The following OR51B5 variants were observed in gnomAD, a reference collection of about 807,000 sequenced individuals.
OR51B5 encodes the protein olfactory receptor 51B5.
For missense variants in OR51B5, 456 were observed against 374.6 expected, an observed-to-expected ratio of 1.22 and a Z score of -1.79; for synonymous variants, 186 against 144.8, an observed-to-expected ratio of 1.28 and a Z score of -2.04.
downstream of OR51B5, among the ~76,000 whole-genome samples, chr11:5,341,677 G>A (rs1848895521): frequency 1.3e-5 from 2 of 152,120 alleles, no homozygotes. Flanking sequence ...TGTACAGAAA[G>A]CAATCATTCT....
At chr11:5,352,469 G>A (rs1849112961) in intron 1 of OR51B5, 2 of 1,459,928 alleles carry the variant, frequency 1.4e-6, no homozygotes, top group East Asian at 2.3e-5. Flanking sequence ...GGTCTCTGAG[G>A]AATAATTCAG....
upstream of OR51B5, among the ~76,000 whole-genome samples, chr11:5,344,927 AC>A (rs1848967266): frequency 6.6e-6 from 1 of 152,182 alleles, no homozygotes; most frequent in Admixed American, 6.5e-5. Context: ...CTAGAACTGC[AC>A]CTATGAGGAG....
exon 1 of OR51B5, chr11:5,343,304 G>A: frequency 2.5e-6 from 4 of 1,610,550 alleles, no homozygotes; most frequent in Non-Finnish European, 3.4e-6. Flanking sequence ...GGGCATTGTG[G>A]TCAGGGCCAG....
chr11:5,413,010 A>C (rs1051805100), intron 1 of OR51B5, among the ~76,000 whole-genome samples: 8 of 146,228 alleles, frequency 5.5e-5, no homozygotes, highest in African/African-American at 2.0e-4. Context: ...CCCTGACCCC[A>C]GAGCAGCCTT....
chr11:5,453,026 T>C (rs1590003667), intron 1 of OR51B5, among the ~76,000 whole-genome samples: 1 of 152,208 alleles, frequency 6.6e-6, no homozygotes. Flanking sequence ...TAATTTGTGA[T>C]ACATATGAAT....
At chr11:5,464,866 A>T (rs1052120590) in intron 1 of OR51B5, among the ~76,000 whole-genome samples, 2 of 152,112 alleles carry the variant, frequency 1.3e-5, no homozygotes, top group African/African-American at 4.8e-5. Context: ...CACCACACTG[A>T]CTTCCACAAT....
intron 1 of OR51B5, among the ~76,000 whole-genome samples, chr11:5,467,878 T>C (rs1933159595): frequency 6.6e-6 from 1 of 152,224 alleles, no homozygotes; most frequent in Non-Finnish European, 1.5e-5. Context: ...TTCAATCCTC[T>C]CTGTAGTCAT....
intron 1 of OR51B5, among the ~76,000 whole-genome samples, chr11:5,499,560 G>A (rs1851691082): frequency 6.6e-6 from 1 of 152,110 alleles, no homozygotes; most frequent in East Asian, 1.9e-4. Context: ...TCAACTAGCA[G>A]GGTCAAAACA....
At chr11:5,420,608 TCTAC>T in intron 1 of OR51B5, among the ~76,000 whole-genome samples, 1 of 151,886 alleles carries the variant, frequency 6.6e-6, no homozygotes, top group Non-Finnish European at 1.5e-5. Context: ...AAAGATTATA[TCTAC>T]TTGTCTTTCT....
chr11:5,370,856 T>C (rs1849437178), intron 1 of OR51B5, among the ~76,000 whole-genome samples: 1 of 152,118 alleles, frequency 6.6e-6, no homozygotes, highest in Admixed American at 6.6e-5. Context: ...CAAATGCGGG[T>C]TCTGAGAGGA....
chr11:5,350,163 T>A (rs7117560), intron 1 of OR51B5, among the ~76,000 whole-genome samples: 7 of 152,020 alleles, frequency 4.6e-5, no homozygotes, highest in Non-Finnish European at 8.8e-5. Context: ...ACATTTCCCC[T>A]TACTTTGTGT....
At chr11:5,400,005 C>G (rs1849943412) in intron 1 of OR51B5, among the ~76,000 whole-genome samples, 2 of 152,094 alleles carry the variant, frequency 1.3e-5, no homozygotes, top group Admixed American at 1.3e-4. Flanking sequence ...AATATTTGGT[C>G]TATTTAAAGA....
chr11:5,505,185 A>T (rs546727405), intron 1 of OR51B5, among the ~76,000 whole-genome samples: 1 of 152,330 alleles, frequency 6.6e-6, no homozygotes, highest in Non-Finnish European at 1.5e-5. Context: ...ACTTCACTTC[A>T]TATGACCCTC....
chr11:5,488,902 C>T (rs1179669650), intron 1 of OR51B5: 1 of 1,613,954 alleles, frequency 6.2e-7, no homozygotes, highest in African/African-American at 1.3e-5. Context: ...GTACCTCTTC[C>T]TCTGCCTTCT....
chr11:5,496,943 T>C (rs899561315), intron 1 of OR51B5, among the ~76,000 whole-genome samples: 1 of 152,032 alleles, frequency 6.6e-6, no homozygotes, highest in African/African-American at 2.4e-5. Context: ...CTGGGACCAG[T>C]GGCACCTTCT....
intron 1 of OR51B5, among the ~76,000 whole-genome samples, chr11:5,350,202 A>G (rs905710671): frequency 1.8e-5 from 2 of 109,000 alleles, no homozygotes; most frequent in East Asian, 2.0e-4. Context: ...GACAGAAATC[A>G]CTAGTAGTCT....
intron 1 of OR51B5, among the ~76,000 whole-genome samples, chr11:5,404,726 T>C (rs1471411199): frequency 6.6e-6 from 1 of 152,204 alleles, no homozygotes; most frequent in Admixed American, 6.5e-5. Context: ...TTATGAACTA[T>C]AACACTCACT....
chr11:5,418,512 A>T (rs1850276500), intron 1 of OR51B5, among the ~76,000 whole-genome samples: 1 of 152,130 alleles, frequency 6.6e-6, no homozygotes, highest in Non-Finnish European at 1.5e-5. Flanking sequence ...GGATTAAGAA[A>T]ATGTGGCACA....
At chr11:5,484,207 G>T (rs1184205162) in intron 1 of OR51B5, among the ~76,000 whole-genome samples, 2 of 152,178 alleles carry the variant, frequency 1.3e-5, no homozygotes, top group Non-Finnish European at 2.9e-5. Flanking sequence ...ACATCTAGGT[G>T]TAAGATGGGG....
Sources: gnomAD v4.1 joint callset for allele counts (sites outside exome capture counted in the v4.1 genomes callset) on GRCh38, gnomAD v4.1.1 for gene constraint, MANE v1.5 for transcripts, NCBI Gene and HGNC (gene_info 2026-07-23, HGNC 2026-07-21) for gene names.